TENM2: variants seen among roughly 807,000 people sequenced by gnomAD.
TENM2 encodes teneurin transmembrane protein 2, also known as teneurin-2.
A neutral mutation model predicts 245.2 loss-of-function variants in TENM2; 52 were observed. That is an observed-to-expected ratio of 0.21 (90% CI 0.17 to 0.27). The LOEUF is 0.27. TENM2 is among the 10% of genes least tolerant of loss of function. The pLI, the probability that TENM2 is intolerant of heterozygous loss-of-function variation, is 1.00. For synonymous variants in TENM2, 1,363 were observed against 1,438.9 expected (o/e 0.95, Z 1.19); for missense variants, 3,046 against 3,666.8 (o/e 0.83, Z 4.37).
intron 2 of TENM2, among the ~76,000 whole-genome samples, chr5:167,487,559 A>G (rs1161107416): frequency 6.6e-6 from 1 of 152,158 alleles, no homozygotes; most frequent in African/African-American, 2.4e-5. Context: ...CTTTCTGTGT[A>G]TGAATGTGGT....
intron 27 of TENM2, among the ~76,000 whole-genome samples, chr5:168,251,235 A>T (rs1255893656): frequency 6.6e-6 from 1 of 152,126 alleles, no homozygotes; most frequent in Non-Finnish European, 1.5e-5. Context: ...ACGCAAACAA[A>T]ATCATTTCAC....
chr5:167,059,193 C>T, the TENM2 span, among the ~76,000 whole-genome samples: 1 of 152,136 alleles, frequency 6.6e-6, no homozygotes, highest in Non-Finnish European at 1.5e-5. Flanking sequence ...ATACAAAATG[C>T]AAACCTTAAT....
chr5:167,653,688 T>G (rs1754634249), intron 2 of TENM2: 1 of 152,204 alleles, frequency 6.6e-6, no homozygotes, highest in Non-Finnish European at 1.5e-5. Context: ...TGAGTGAGGA[T>G]TGAGCCCTTT....
At chr5:168,241,453 G>A (rs1340034816) in intron 25 of TENM2, among the ~76,000 whole-genome samples, 2 of 150,362 alleles carry the variant, frequency 1.3e-5, no homozygotes, top group African/African-American at 2.4e-5. Context: ...GTAGACACAG[G>A]GTTTCACCAT....
chr5:167,147,259 A>G, the TENM2 span, among the ~76,000 whole-genome samples: 2 of 152,202 alleles, frequency 1.3e-5, no homozygotes, highest in African/African-American at 2.4e-5. Flanking sequence ...CCTGCTCATT[A>G]AGAAATAAAT....
At chr5:167,929,284 G>C (rs1479958168) in intron 3 of TENM2, among the ~76,000 whole-genome samples, 3 of 151,882 alleles carry the variant, frequency 2.0e-5, no homozygotes, top group South Asian at 4.2e-4. Flanking sequence ...GGAGGGTGAA[G>C]ATCAGGATGA....
At chr5:167,156,684 G>A in the TENM2 span, among the ~76,000 whole-genome samples, 2 of 152,174 alleles carry the variant, frequency 1.3e-5, no homozygotes, top group Non-Finnish European at 1.5e-5. Flanking sequence ...GAACCATTCC[G>A]GCCAGGCTGC....
chr5:168,100,354 A>G (rs1420182405), intron 9 of TENM2, among the ~76,000 whole-genome samples: 3 of 152,322 alleles, frequency 2.0e-5, no homozygotes, highest in African/African-American at 7.2e-5. Context: ...AACCAGAAAT[A>G]CCATTTGCCC....
intron 1 of TENM2, among the ~76,000 whole-genome samples, chr5:167,336,588 T>C (rs1170532745): frequency 2.6e-5 from 4 of 152,076 alleles, no homozygotes; most frequent in Non-Finnish European, 5.9e-5. Context: ...CTCCTTATAC[T>C]CTTTCTAATC....
chr5:167,038,101 C>T, the TENM2 span, among the ~76,000 whole-genome samples: 1 of 152,154 alleles, frequency 6.6e-6, no homozygotes, highest in Non-Finnish European at 1.5e-5. Flanking sequence ...GACTGAGGGA[C>T]CTTCTTAGTT....
intron 2 of TENM2, among the ~76,000 whole-genome samples, chr5:167,382,422 G>A (rs1458432594): frequency 6.6e-6 from 1 of 152,140 alleles, no homozygotes; most frequent in Non-Finnish European, 1.5e-5. Context: ...GGGAACCAGC[G>A]AGTCAGAAAC....
chr5:167,418,313 CAA>C (rs57972287), intron 2 of TENM2, among the ~76,000 whole-genome samples: 462 of 135,356 alleles, frequency 3.4e-3, no homozygotes, highest in Middle Eastern at 8.7e-3. Context: ...GAAACTGTCT[CAA>C]AAAAAAAAAA....
At chr5:168,182,788 G>A (rs982650119) in intron 13 of TENM2, among the ~76,000 whole-genome samples, 1 of 150,606 alleles carries the variant, frequency 6.6e-6, no homozygotes, top group Non-Finnish European at 1.5e-5. Flanking sequence ...TAGGACCCAC[G>A]TGAGCCCTGA....
chr5:168,216,745 TCCAC>T lies in TENM2; in HGVS notation c.4079-22_4079-19del. 1 of 1,613,496 alleles carries T rather than the reference TCCAC, an allele frequency of 6.2e-7. No individual in the cohort carries two copies. The highest frequency in any genetic ancestry group is 8.5e-7 in the Non-Finnish European group (1 of 1,179,564). ...ATCCTACACCTTTCCAAGAGATAAA[TCCAC>T]ACCGCTTGTCTTGCTCAGGTATTGC... On this transcript the variant is annotated intron_variant, in intron 21 of 28. Coordinates refer to ENST00000518659, the Ensembl canonical transcript of TENM2.
the TENM2 span, among the ~76,000 whole-genome samples, chr5:167,220,077 G>A: frequency 2.6e-5 from 4 of 152,184 alleles, no homozygotes; most frequent in Admixed American, 6.5e-5. Flanking sequence ...CCAGGCCTCC[G>A]CAGTGCAAGG....
chr5:167,420,293 A>T (rs575637444), intron 2 of TENM2, among the ~76,000 whole-genome samples: 53 of 152,222 alleles, frequency 3.5e-4, no homozygotes, highest in Admixed American at 5.2e-4. Context: ...TTTTTAAATG[A>T]TGTCAAATTA....
At chr5:167,903,297 TA>T (rs1775851444) in intron 3 of TENM2, among the ~76,000 whole-genome samples, 1 of 152,162 alleles carries the variant, frequency 6.6e-6, no homozygotes, top group Admixed American at 6.5e-5. Context: ...ATGTGGCCTC[TA>T]AGCTCACGAA....
At chr5:167,679,667 A>C (rs1756568344) in intron 2 of TENM2, among the ~76,000 whole-genome samples, 1 of 152,190 alleles carries the variant, frequency 6.6e-6, no homozygotes, top group Non-Finnish European at 1.5e-5. Context: ...GTTTTCCTGA[A>C]ACATGTTATT....
At chr5:167,870,706 C>CTATA (rs147198597) in intron 2 of TENM2, among the ~76,000 whole-genome samples, 1,659 of 144,700 alleles carry the variant, frequency 0.011, 15 homozygotes, top group African/African-American at 0.026. Flanking sequence ...AAAGCAAGAT[C>CTATA]TATATATATA....
Sources: gnomAD v4.1 joint callset for allele counts (sites outside exome capture counted in the v4.1 genomes callset) on GRCh38, gnomAD v4.1.1 for gene constraint, MANE v1.5 for transcripts, NCBI Gene and HGNC (gene_info 2026-07-23, HGNC 2026-07-21) for gene names.